CENPP: variants seen among roughly 807,000 people sequenced by gnomAD.
CENPP encodes the protein centromere protein P.
In CENPP, 24 loss-of-function variants were observed where a neutral mutation model predicts 35.6. The ratio of observed to expected loss-of-function variants is 0.67; its 90% confidence interval spans 0.49 to 0.95. The LOEUF is 0.95. CENPP is among the 40% of genes least tolerant of loss of function. CENPP has a pLI of 0.00. For synonymous variants in CENPP, 120 were observed against 125.5 expected (o/e 0.96, Z 0.29); for missense variants, 332 against 345.3 (o/e 0.96, Z 0.31).
chr9:92,580,233 T>A (rs1038847626), intron 5 of CENPP, among the ~76,000 whole-genome samples: 11 of 152,172 alleles, frequency 7.2e-5, no homozygotes, highest in South Asian at 2.1e-4. Context: ...TTTGCATCAA[T>A]GTTCATCAAG....
intron 5 of CENPP, among the ~76,000 whole-genome samples, chr9:92,590,795 A>C (rs1346056622): frequency 6.6e-6 from 1 of 152,216 alleles, no homozygotes; most frequent in Non-Finnish European, 1.5e-5. Context: ...TTGAAAGATA[A>C]ATAGAAAGCT....
rs75203987 is a variant in CENPP at position 92,478,472 on chromosome 9, G to A, written c.564+98613G>A. Among the ~76,000 whole-genome samples, 762 of 152,092 alleles carry A rather than the reference G, an allele frequency of 5.0e-3. 5 individuals carry two copies. Among genetic ancestry groups the A allele is most frequent in the African/African-American group, 0.015 (621 of 41,474 alleles). On this transcript the variant is annotated intron_variant, in intron 5 of 7. Coordinates refer to ENST00000375587, the MANE Select transcript of CENPP (RefSeq NM_001012267.3). Reference sequence around the variant, plus strand: ...GGGTTTTTTGTTTGTTTGTTTGTTCGAGATGGAGTCTCACTTTGTCGCCCA... The same window carrying A: ...GGGTTTTTTGTTTGTTTGTTTGTTCAAGATGGAGTCTCACTTTGTCGCCCA...
Position 92,613,037 on chromosome 9 carries a change from A to G in CENPP, c.755A>G (p.Asn252Ser). 6.2e-7 allele frequency: 1 copy of G among 1,614,210 alleles called. No individual in the cohort carries two copies. Among genetic ancestry groups the G allele is most frequent in the Non-Finnish European group, 8.5e-7 (1 of 1,180,030 alleles). The change falls in exon 8 of 8, where the codon AAC (asparagine) becomes AGC (serine). Residue 252 changes from asparagine to serine, a missense_variant. Asn to Ser is a conservative substitution (Grantham distance 46, BLOSUM62 1). Transcript: ENST00000375587. ...VPQRALELDK[N>S]RAIETAPLSF... Reference sequence around the variant, plus strand: ...TTTATAGCCCTGGAGCTGGACAAGAACAGAGCCATAGAAACTGCTCCTCTC... The same window carrying G: ...TTTATAGCCCTGGAGCTGGACAAGAGCAGAGCCATAGAAACTGCTCCTCTC...
At chr9:92,586,497 C>T (rs1474852068) in intron 5 of CENPP, among the ~76,000 whole-genome samples, 1 of 151,848 alleles carries the variant, frequency 6.6e-6, no homozygotes, top group African/African-American at 2.4e-5. Context: ...CATGCATATA[C>T]CAGGGGAAAA....
chr9:92,613,186 G>A lies in CENPP; in HGVS notation c.*37G>A, dbSNP rs41312236. On this transcript the variant is annotated 3_prime_UTR_variant, in exon 8 of 8. Coordinates refer to ENST00000375587, the MANE Select transcript of CENPP (RefSeq NM_001012267.3). ...TGAACGTGGAGGATGAAGATGCTGCGTGGAGGAACATGCAATTTTATTCAA... is the reference window on the plus strand; with the variant it reads ...TGAACGTGGAGGATGAAGATGCTGCATGGAGGAACATGCAATTTTATTCAA... 84,029 of 1,612,244 alleles carry A rather than the reference G, an allele frequency of 0.052. 2,619 individuals carry two copies. Among genetic ancestry groups the A allele is most frequent in the South Asian group, 0.098 (8,908 of 91,006 alleles).
intron 5 of CENPP, among the ~76,000 whole-genome samples, chr9:92,603,347 A>AT (rs1310231158): frequency 6.6e-6 from 1 of 152,162 alleles, no homozygotes; most frequent in Non-Finnish European, 1.5e-5. Context: ...GTGCCTTTGT[A>AT]TTTGTCAGTT....
At chr9:92,346,420 G>A (rs1841296182) in intron 4 of CENPP, among the ~76,000 whole-genome samples, 1 of 152,188 alleles carries the variant, frequency 6.6e-6, no homozygotes, top group South Asian at 2.1e-4. Context: ...TGCCAGCAGG[G>A]AGCATGGTGT....
chr9:92,514,499 C>G (rs543249063), intron 5 of CENPP: 1 of 1,251,658 alleles, frequency 8.0e-7, no homozygotes, highest in African/African-American at 1.5e-5. Flanking sequence ...GGTCTCAAAC[C>G]CCTGACCTCA....
At chr9:92,528,141 A>G (rs1409168413) in intron 5 of CENPP, 1 of 152,348 alleles carries the variant, frequency 6.6e-6, no homozygotes, top group African/African-American at 2.4e-5. Flanking sequence ...GGGACTACGT[A>G]TACCTTCCCA....
At chr9:92,472,665 T>A (rs1455256875) in intron 5 of CENPP, among the ~76,000 whole-genome samples, 3 of 151,862 alleles carry the variant, frequency 2.0e-5, no homozygotes, top group Admixed American at 6.6e-5. Flanking sequence ...CTCAAAAAAA[T>A]AATAATAATA....
At chr9:92,590,162 G>A (rs1850633655) in intron 5 of CENPP, among the ~76,000 whole-genome samples, 1 of 152,232 alleles carries the variant, frequency 6.6e-6, no homozygotes, top group Non-Finnish European at 1.5e-5. Flanking sequence ...TGTCAGTGGT[G>A]AGGTACAGTT....
At chr9:92,435,106 G>A (rs1844216202) in intron 5 of CENPP, among the ~76,000 whole-genome samples, 2 of 152,044 alleles carry the variant, frequency 1.3e-5, no homozygotes, top group African/African-American at 4.8e-5. Context: ...ATGTGTTTTG[G>A]CAATGCTTGG....
intron 5 of CENPP, among the ~76,000 whole-genome samples, chr9:92,567,807 A>G (rs1273996267): frequency 1.3e-5 from 2 of 152,140 alleles, no homozygotes; most frequent in Non-Finnish European, 2.9e-5. Context: ...GGGATCTTAA[A>G]TGTAATTTCC....
intron 5 of CENPP, among the ~76,000 whole-genome samples, chr9:92,405,081 C>T (rs1381294505): frequency 3.3e-5 from 5 of 151,914 alleles, no homozygotes; most frequent in African/African-American, 9.7e-5. Context: ...GATTTTTTCT[C>T]CCCTTTATTT....
intron 5 of CENPP, chr9:92,514,730 C>CGT (rs1847578730): frequency 6.2e-7 from 1 of 1,607,700 alleles, no homozygotes; most frequent in African/African-American, 1.3e-5. Flanking sequence ...AGAGAGCACC[C>CGT]GCTTGGCAGG....
At chr9:92,338,780 G>A (rs1184400546) in intron 3 of CENPP, among the ~76,000 whole-genome samples, 1 of 152,154 alleles carries the variant, frequency 6.6e-6, no homozygotes, top group African/African-American at 2.4e-5. Context: ...TCATGAGGTT[G>A]TGGTCATCTG....
intron 5 of CENPP, among the ~76,000 whole-genome samples, chr9:92,550,220 A>G (rs1010955099): frequency 6.6e-6 from 1 of 152,120 alleles, no homozygotes; most frequent in African/African-American, 2.4e-5. Flanking sequence ...ACATGGCGAA[A>G]CCCCGTCTCT....
intron 5 of CENPP, among the ~76,000 whole-genome samples, chr9:92,390,596 G>A (rs895225736): frequency 6.6e-6 from 1 of 152,074 alleles, no homozygotes; most frequent in Non-Finnish European, 1.5e-5. Context: ...GTGCGCGCGC[G>A]CGTACTTGCG....
At chr9:92,334,370 C>T (rs571513254) in intron 2 of CENPP, among the ~76,000 whole-genome samples, 2 of 152,232 alleles carry the variant, frequency 1.3e-5, no homozygotes, top group Admixed American at 6.5e-5. Flanking sequence ...ACGCCTGCCT[C>T]GGTCTCCCAA....
Sources: allele counts gnomAD v4.1 joint callset (sites outside exome capture counted in the v4.1 genomes callset), GRCh38; gene constraint gnomAD v4.1.1; transcripts MANE v1.5; gene names NCBI Gene and HGNC (gene_info 2026-07-23, HGNC 2026-07-21).